ARHGAP15: variants seen among roughly 807,000 people sequenced by gnomAD.
The protein encoded by ARHGAP15 is Rho GTPase activating protein 15, also known as rho GTPase-activating protein 15.
A neutral mutation model predicts 63.7 loss-of-function variants in ARHGAP15; 51 were observed. The ratio of observed to expected loss-of-function variants is 0.80; its 90% CI spans 0.64 to 1.01. ARHGAP15 has a LOEUF of 1.01. Ranked by LOEUF, ARHGAP15 falls within the 50% of genes least tolerant of loss-of-function variation. The probability of loss-of-function intolerance (pLI) is 0.00; values close to 1 mark genes in which losing one functional copy is unlikely to be tolerated. For synonymous variants in ARHGAP15, 191 were observed against 193.8 expected, an observed-to-expected ratio of 0.99 and a Z score of 0.12; for missense variants, 560 against 564.6, an observed-to-expected ratio of 0.99 and a Z score of 0.08.
At chr2:143,295,747 T>C (rs781288740) in intron 6 of ARHGAP15, 2 of 151,992 alleles carry the variant, frequency 1.3e-5, no homozygotes, top group East Asian at 3.9e-4. Context: ...ATTTTTACTT[T>C]AGAACTTATT....
Position 143,541,735 on chromosome 2 carries a change from G to T in ARHGAP15, c.926-14673G>T, listed in dbSNP as rs542961806. On this transcript the variant is annotated intron_variant, in intron 10 of 13. Coordinates refer to ENST00000295095, the MANE Select transcript of ARHGAP15 (RefSeq NM_018460.4). ...ATGCTGCTGCCTGATCGTTCCTCTG[G>T]AAGTTTTGTCTCAGAGGAGTACCCG... Among the ~76,000 whole-genome samples, 7 of 152,296 alleles carry T rather than the reference G, an allele frequency of 4.6e-5. No homozygotes were observed. In the East Asian group the frequency reaches 5.8e-4, roughly 13 times the overall value.
intron 13 of ARHGAP15, among the ~76,000 whole-genome samples, chr2:143,755,180 C>T (rs1686527252): frequency 6.6e-6 from 1 of 151,874 alleles, no homozygotes; most frequent in Non-Finnish European, 1.5e-5. Flanking sequence ...AACATCCTGC[C>T]TGAATACTTC....
intron 3 of ARHGAP15, among the ~76,000 whole-genome samples, chr2:143,208,035 C>A (rs1692411071): frequency 6.6e-6 from 1 of 152,086 alleles, no homozygotes; most frequent in Admixed American, 6.6e-5. Context: ...GCAGTAGTTT[C>A]CTTGGCTGTA....
chr2:143,405,523 A>G (rs987452725), intron 6 of ARHGAP15, among the ~76,000 whole-genome samples: 1 of 151,874 alleles, frequency 6.6e-6, no homozygotes, highest in African/African-American at 2.4e-5. Flanking sequence ...TATTAGTTAT[A>G]TTTTTTGTCA....
chr2:143,736,964 G>C (rs535952813), intron 13 of ARHGAP15, among the ~76,000 whole-genome samples: 1 of 152,168 alleles, frequency 6.6e-6, no homozygotes, highest in Non-Finnish European at 1.5e-5. Flanking sequence ...TCCAAAGAAA[G>C]TGTTTGCAAA....
At chr2:143,729,707 T>C (rs1302224704) in intron 13 of ARHGAP15, among the ~76,000 whole-genome samples, 2 of 152,238 alleles carry the variant, frequency 1.3e-5, no homozygotes, top group Non-Finnish European at 1.5e-5. Flanking sequence ...CTGCTCTCTC[T>C]ACAAAGTTAC....
chr2:143,443,154 C>T (rs942062895), intron 8 of ARHGAP15, among the ~76,000 whole-genome samples: 11 of 152,066 alleles, frequency 7.2e-5, no homozygotes, highest in African/African-American at 2.4e-4. Context: ...TCTGGAGGCT[C>T]ATATAAATAC....
chr2:143,249,611 A>C (rs921958802), intron 5 of ARHGAP15, among the ~76,000 whole-genome samples: 1 of 152,174 alleles, frequency 6.6e-6, no homozygotes, highest in Non-Finnish European at 1.5e-5. Flanking sequence ...TCTTGAAAAA[A>C]TAGTAAAGAA....
intron 11 of ARHGAP15, chr2:143,607,963 T>G (rs1698106043): frequency 1.3e-5 from 2 of 152,144 alleles, no homozygotes; most frequent in Admixed American, 1.3e-4. Context: ...TGTAAGCATA[T>G]TATCATGCTG....
At chr2:143,429,259 G>A (rs1379485155) in intron 6 of ARHGAP15, among the ~76,000 whole-genome samples, 1 of 149,964 alleles carries the variant, frequency 6.7e-6, no homozygotes, top group Non-Finnish European at 1.5e-5. Context: ...TAAATTTTGG[G>A]TTTAGATATT....
chr2:143,429,993 T>G (rs1689310423), intron 6 of ARHGAP15, among the ~76,000 whole-genome samples: 1 of 152,102 alleles, frequency 6.6e-6, no homozygotes, highest in African/African-American at 2.4e-5. Context: ...AGTGTTTGTG[T>G]GTGCCAATTA....
chr2:143,154,922 G>T (rs1023134478), intron 1 of ARHGAP15, among the ~76,000 whole-genome samples: 1 of 151,796 alleles, frequency 6.6e-6, no homozygotes, highest in Non-Finnish European at 1.5e-5. Context: ...TAGTTCAGTT[G>T]GCAGATGGCA....
At chr2:143,271,463 T>A (rs1338013474) in intron 6 of ARHGAP15, among the ~76,000 whole-genome samples, 2 of 152,160 alleles carry the variant, frequency 1.3e-5, no homozygotes, top group African/African-American at 2.4e-5. Context: ...TATATGGTTG[T>A]TGTTTGGTTT....
intron 8 of ARHGAP15, among the ~76,000 whole-genome samples, chr2:143,484,009 C>A (rs1156582088): frequency 6.6e-6 from 1 of 152,078 alleles, no homozygotes; most frequent in African/African-American, 2.4e-5. Context: ...AGGAGGATCA[C>A]TTGAGGCCAG....
At chr2:143,345,060 G>C (rs1189035165) in intron 6 of ARHGAP15, among the ~76,000 whole-genome samples, 2 of 152,066 alleles carry the variant, frequency 1.3e-5, no homozygotes, top group Non-Finnish European at 2.9e-5. Context: ...CAGTTCAGAG[G>C]TTAGGGTTGA....
chr2:143,426,639 CCTCA>C (rs1689148787), intron 6 of ARHGAP15, among the ~76,000 whole-genome samples: 1 of 152,114 alleles, frequency 6.6e-6, no homozygotes, highest in South Asian at 2.1e-4. Flanking sequence ...CTGCAGATTT[CCTCA>C]CTCAGTCAGA....
At chr2:143,413,721 A>G (rs1574413075) in intron 6 of ARHGAP15, among the ~76,000 whole-genome samples, 1 of 152,062 alleles carries the variant, frequency 6.6e-6, no homozygotes, top group South Asian at 2.1e-4. Flanking sequence ...CGATCCTCCC[A>G]CCTTGACCTC....
intron 12 of ARHGAP15, among the ~76,000 whole-genome samples, chr2:143,681,437 T>C (rs1037348537): frequency 6.6e-6 from 1 of 152,196 alleles, no homozygotes; most frequent in African/African-American, 2.4e-5. Flanking sequence ...TATGGAAAGA[T>C]GCAGACGGGC....
intron 6 of ARHGAP15, among the ~76,000 whole-genome samples, chr2:143,276,859 A>G (rs1313215622): frequency 6.6e-6 from 1 of 152,184 alleles, no homozygotes; most frequent in Non-Finnish European, 1.5e-5. Context: ...GTGATGCTTA[A>G]TAGTATGTTT....
Sources: allele counts gnomAD v4.1 joint callset (sites outside exome capture counted in the v4.1 genomes callset), GRCh38; gene constraint gnomAD v4.1.1; transcripts MANE v1.5; gene names NCBI Gene and HGNC (gene_info 2026-07-23, HGNC 2026-07-21).